Variants in AP3B1 observed in about 807,000 individuals in gnomAD.
AP3B1 encodes the protein AP-3 complex subunit beta-1.
In AP3B1, 61 loss-of-function variants were observed where a neutral mutation model predicts 132.5. That is an observed-to-expected ratio of 0.46 (90% CI 0.37 to 0.57). AP3B1 has a LOEUF of 0.57. AP3B1 is among the 20% of genes least tolerant of loss of function. The pLI is 0.00. For synonymous variants in AP3B1, 388 were observed against 438.3 expected (o/e 0.89, Z 1.43); for missense variants, 1,120 against 1,289.4 (o/e 0.87, Z 2.01).
At chr5:78,024,862 CTTTT>C (rs35911405) in intron 24 of AP3B1, among the ~76,000 whole-genome samples, 1 of 130,036 alleles carries the variant, frequency 7.7e-6, no homozygotes, top group Non-Finnish European at 1.6e-5. Context: ...TGCGCCTGGC[CTTTT>C]TTTTTTTTTT....
Position 78,219,485 on chromosome 5 carries a change from A to C in AP3B1, c.604-3248T>G, listed in dbSNP as rs533969139. 2.2e-3 allele frequency among the ~76,000 whole-genome samples: 340 copies of C among 152,124 alleles called. 1 individual carries two copies. The highest frequency in any genetic ancestry group is 8.0e-3 in the African/African-American group (334 of 41,572). ...GAAAATGGTATAAAATTTAAGAATA[A>C]ACAATAAAAATTCATATAAAGAAAA... On this transcript the variant is annotated intron_variant, in intron 6 of 26. Transcript: ENST00000255194.
At chr5:78,202,055 C>G (rs1178562024) in intron 7 of AP3B1, among the ~76,000 whole-genome samples, 2 of 152,090 alleles carry the variant, frequency 1.3e-5, no homozygotes, top group Non-Finnish European at 2.9e-5. Context: ...GTAATTGAAT[C>G]ATGGGGGTAA....
At chr5:78,240,725 A>G (rs773500403) in intron 3 of AP3B1, 137 bp downstream of exon 3, 12 of 665,246 alleles carry the variant, frequency 1.8e-5, no homozygotes, top group Non-Finnish European at 3.0e-5. Context: ...TCTTACCTAC[A>G]TTTAAAATTA....
chr5:78,212,873 A>G (rs1745800692), intron 7 of AP3B1, among the ~76,000 whole-genome samples: 1 of 151,950 alleles, frequency 6.6e-6, no homozygotes, highest in African/African-American at 2.4e-5. Flanking sequence ...TAGTCTGCCA[A>G]CTTCTTTTAT....
At chr5:78,002,258 A>C (rs757339302), downstream of AP3B1, 5 of 193,550 alleles carry the variant, frequency 2.6e-5, no homozygotes, top group Admixed American at 3.0e-4. Context: ...CTTGCTTTAA[A>C]ATAAGAAAAC....
chr5:78,191,354 C>CAAAAAAAAAAAAAAAA (rs34733864), intron 7 of AP3B1, among the ~76,000 whole-genome samples: 15 of 72,832 alleles, frequency 2.1e-4, no homozygotes, highest in African/African-American at 8.2e-4. Flanking sequence ...TGCTTTTCCC[C>CAAAAAAAAAAAAAAAA]AAAAAAAAAA....
At chr5:78,012,738 T>C (rs1042528560) in intron 26 of AP3B1, among the ~76,000 whole-genome samples, 1 of 152,230 alleles carries the variant, frequency 6.6e-6, no homozygotes, top group South Asian at 2.1e-4. Flanking sequence ...CAAGACACTG[T>C]GGATGAGTAT....
Position 78,128,071 on chromosome 5 carries a change from C to A in AP3B1, c.1927G>T (p.Ala643Ser). The A allele has an allele frequency of 6.2e-7, 1 of 1,613,272 alleles. No homozygotes were observed. Among genetic ancestry groups the A allele is most frequent in the South Asian group, 1.1e-5 (1 of 91,060 alleles). ...YLELSNWPEVAPDPSVRNVEV... is the reference protein window; with the variant it reads ...YLELSNWPEVSPDPSVRNVEV... The stretch of plus-strand genomic sequence containing the variant: ...ACATTTCGAACTGATGGGTCGGGCG[C>A]CACCTCTGGCCAATTAGATAATTCC... The change falls in exon 17 of 27, where the codon GCG (alanine) becomes TCG (serine). Residue 643 changes from alanine (A) to serine (S), a missense_variant. By Grantham distance (99) the Ala-to-Ser change is moderately conservative (BLOSUM62 1). Transcript: ENST00000255194.
At chr5:78,232,134 A>C (rs918574882) in intron 3 of AP3B1, among the ~76,000 whole-genome samples, 3 of 152,246 alleles carry the variant, frequency 2.0e-5, no homozygotes, top group African/African-American at 7.2e-5. Flanking sequence ...TCATCTTTCC[A>C]GATGGCCCTC....
In AP3B1 at chr5:78,181,744, T is replaced by C. The variant is rs1351800610; in HGVS notation, c.787-82A>G. The C allele has an allele frequency of 5.0e-6, 6 of 1,200,560 alleles. No individual in the cohort carries two copies. In the African/African-American group the frequency reaches 7.7e-5, roughly 15 times the overall value. 74.4% of individuals were successfully genotyped at this position (1,200,560 alleles called of 1,614,324 possible). A position where few individuals can be genotyped will look rare whatever the true frequency, so the allele number is the denominator to read the frequency against. ...TATATAGTCAAAGAAAACTTTCCTTTAAACATCTATAACAACATTTTACCG... is the reference window on the plus strand; with the variant it reads ...TATATAGTCAAAGAAAACTTTCCTTCAAACATCTATAACAACATTTTACCG... On this transcript the variant is annotated intron_variant, in intron 7 of 26. Transcript: ENST00000255194.
chr5:78,065,363 G>A (rs930842234), intron 22 of AP3B1, among the ~76,000 whole-genome samples: 2 of 152,050 alleles, frequency 1.3e-5, no homozygotes, highest in African/African-American at 4.8e-5. Flanking sequence ...AGCTTTGGCA[G>A]GGGAAGGGGG....
At chr5:78,139,028 T>C (rs909039409) in intron 15 of AP3B1, among the ~76,000 whole-genome samples, 6 of 78,374 alleles carry the variant, frequency 7.7e-5, no homozygotes, top group South Asian at 3.5e-4. Flanking sequence ...CCATTAATAA[T>C]AGAGATCAAG....
At chr5:78,025,463 C>G (rs1747305029) in intron 24 of AP3B1, among the ~76,000 whole-genome samples, 1 of 152,206 alleles carries the variant, frequency 6.6e-6, no homozygotes, top group South Asian at 2.1e-4. Context: ...TTTTCGGCCT[C>G]TCTTGTAGCT....
At chr5:78,249,314 G>A (rs980260592) in intron 2 of AP3B1, among the ~76,000 whole-genome samples, 4 of 152,130 alleles carry the variant, frequency 2.6e-5, no homozygotes, top group South Asian at 2.1e-4. Context: ...GCAGTAAGCC[G>A]AGATTGCACA....
chr5:78,052,264 T>C (rs572423435), intron 22 of AP3B1, among the ~76,000 whole-genome samples: 307 of 152,228 alleles, frequency 2.0e-3, no homozygotes, highest in African/African-American at 7.0e-3. Context: ...TAATAATATA[T>C]ATTAAAAATA....
At chr5:78,034,230 C>T in intron 24 of AP3B1, 131 bp downstream of exon 24, 1 of 749,024 alleles carries the variant, frequency 1.3e-6, no homozygotes, top group Non-Finnish European at 2.4e-6. Flanking sequence ...GCAGTCTAAA[C>T]ATTATCAAAG....
intron 26 of AP3B1, among the ~76,000 whole-genome samples, chr5:78,009,777 G>C (rs1285038753): frequency 1.3e-5 from 2 of 151,410 alleles, no homozygotes; most frequent in African/African-American, 4.9e-5. Flanking sequence ...GATATACGGG[G>C]GGGTGGGGGA....
At chr5:78,185,886 A>T (rs1019332836) in intron 7 of AP3B1, among the ~76,000 whole-genome samples, 4 of 152,120 alleles carry the variant, frequency 2.6e-5, no homozygotes, top group African/African-American at 9.7e-5. Context: ...ATTTCAAAAA[A>T]ATAGGTTTTA....
intron 6 of AP3B1, among the ~76,000 whole-genome samples, chr5:78,216,643 G>A (rs1215834901): frequency 1.3e-5 from 2 of 152,122 alleles, no homozygotes; most frequent in Non-Finnish European, 2.9e-5. Context: ...CTCACATTGT[G>A]TCAGTTTAAA....
Sources: gnomAD v4.1 joint callset for allele counts (sites outside exome capture counted in the v4.1 genomes callset) on GRCh38, gnomAD v4.1.1 for gene constraint, MANE v1.5 for transcripts, NCBI Gene and HGNC (gene_info 2026-07-23, HGNC 2026-07-21) for gene names.